The following F8 variants were observed in gnomAD, a reference collection of about 807,000 sequenced individuals.
The protein encoded by F8 is antihemophilic factor.
A neutral mutation model predicts 140.6 loss-of-function variants in F8; 12 were observed. That is an observed-to-expected ratio of 0.09 (90% CI 0.05 to 0.14). The LOEUF (loss-of-function observed/expected upper bound fraction) is 0.14. Ranked by LOEUF, F8 falls within the 10% of genes least tolerant of loss-of-function variation. The pLI is 1.00. For synonymous variants in F8, 585 were observed against 614.6 expected (o/e 0.95, Z 0.71); for missense variants, 1,354 against 1,720.7 (o/e 0.79, Z 3.77).
At chrX:155,009,895 A>C (rs192446377) in intron 1 of F8, among the ~76,000 whole-genome samples, 34 of 111,564 alleles carry the variant, frequency 3.0e-4, no homozygotes, top group African/African-American at 1.1e-3. Context: ...GAAGAGTGAA[A>C]ACACATAATT....
intron 25 of F8, among the ~76,000 whole-genome samples, chrX:154,850,083 T>TGTG (rs2072601926): frequency 5.2e-5 from 5 of 96,073 alleles, no homozygotes; most frequent in African/African-American, 2.0e-4. Context: ...CAGGCTTGTT[T>TGTG]TGTGTGTGTG....
At chrX:154,876,401 A>G (rs1160293056) in intron 22 of F8, among the ~76,000 whole-genome samples, 8 of 111,130 alleles carry the variant, frequency 7.2e-5, no homozygotes, top group East Asian at 2.8e-4. Context: ...TTACAGGCAT[A>G]AGCCACCGTG....
chrX:154,912,490 T>G (rs139392322), intron 14 of F8, among the ~76,000 whole-genome samples: 38 of 112,611 alleles, frequency 3.4e-4, no homozygotes, highest in African/African-American at 1.1e-3. Flanking sequence ...CTTGGCACTT[T>G]GTCAAAAATG....
chrX:154,956,011 C>T (rs1253599769), intron 11 of F8, among the ~76,000 whole-genome samples: 2 of 111,836 alleles, frequency 1.8e-5, no homozygotes, highest in Non-Finnish European at 3.8e-5. Context: ...GATAAACACT[C>T]CCAGAGCGGC....
chrX:154,870,705 G>C (rs1281133829), intron 22 of F8, among the ~76,000 whole-genome samples: 1 of 111,372 alleles, frequency 9.0e-6, no homozygotes, highest in African/African-American at 3.3e-5. Context: ...AGGGCAATCA[G>C]GCAAGAGAAA....
chrX:154,849,885 G>A (rs1006413163), intron 25 of F8, among the ~76,000 whole-genome samples: 71 of 110,603 alleles, frequency 6.4e-4, no homozygotes, highest in African/African-American at 2.2e-3. Context: ...AATTATGAAG[G>A]TTTAATATTA....
chrX:154,874,000 A>G (rs1163755389), intron 22 of F8, among the ~76,000 whole-genome samples: 2 of 112,558 alleles, frequency 1.8e-5, no homozygotes, highest in African/African-American at 6.5e-5. Context: ...GGATTGCATT[A>G]AACTAAAAAC....
rs968099670 is a variant in F8, at chrX:154,987,228, C to G, written c.670+9G>C. Reference sequence around the variant, plus strand: ...CAGGAATCCAAAATTCAGATTAAGACTCACTAACCTTCATCAAATACAGCA... The same window carrying G: ...CAGGAATCCAAAATTCAGATTAAGAGTCACTAACCTTCATCAAATACAGCA... On this transcript the variant is annotated intron_variant, in intron 5 of 25. Coordinates refer to ENST00000360256, the MANE Select transcript of F8 (RefSeq NM_000132.4). 1.7e-6 allele frequency: 2 copies of G among 1,196,599 alleles called. No individual in the cohort carries two copies. Among genetic ancestry groups the G allele is most frequent in the Non-Finnish European group, 2.3e-6 (2 of 883,120 alleles).
intron 1 of F8, among the ~76,000 whole-genome samples, chrX:155,018,032 T>A (rs2073743401): frequency 1.2e-5 from 1 of 82,073 alleles, no homozygotes; most frequent in South Asian, 4.9e-4. Flanking sequence ...GCCCAGCTAA[T>A]TTTTTTTTTT....
At chrX:155,013,160 A>T (rs1439014993) in intron 1 of F8, among the ~76,000 whole-genome samples, 1 of 108,327 alleles carries the variant, frequency 9.2e-6, no homozygotes, top group Non-Finnish European at 1.9e-5. Flanking sequence ...AAAAAAAAAA[A>T]AAAAAAAAGA....
intron 13 of F8, among the ~76,000 whole-genome samples, chrX:154,938,553 A>C (rs1453624244): frequency 8.9e-6 from 1 of 111,879 alleles, no homozygotes; most frequent in African/African-American, 3.2e-5. Flanking sequence ...ATAGGCAAAA[A>C]TTTCTGAAAC....
rs1047663291 is a variant in F8 at position 154,837,354 on chromosome X, T to A, written c.*243A>T. 2 of 403,298 alleles carry A rather than the reference T, an allele frequency of 5.0e-6. No homozygotes were observed. 33.2% of individuals were successfully genotyped at this position (403,298 alleles called of 1,213,427 possible). ...CTCCTCACTTCTTTTTGCCTAGTTA[T>A]ATTGGAAGGAAGGAGTAATCTGGGA... On this transcript the variant is annotated 3_prime_UTR_variant, in exon 26 of 26. Transcript: ENST00000360256.
intron 14 of F8, among the ~76,000 whole-genome samples, chrX:154,916,504 A>G (rs1569559601): frequency 9.0e-6 from 1 of 111,519 alleles, no homozygotes; most frequent in Non-Finnish European, 1.9e-5. Context: ...CAAGTTTTCT[A>G]TTTCCTCATA....
At position 154,929,353 on chromosome X, in the gene F8, G is replaced by T; in HGVS notation, c.4437C>A (p.Gly1479=). The T allele has an allele frequency of 8.3e-7, 1 of 1,211,914 alleles. No individual in the cohort carries two copies. Among genetic ancestry groups the T allele is most frequent in the Non-Finnish European group, 1.1e-6 (1 of 895,500 alleles). The change falls in exon 14 of 26, where the codon GGC becomes GGA. Residue 1479 remains glycine, a synonymous_variant. Coordinates refer to ENST00000360256, the MANE Select transcript of F8 (RefSeq NM_000132.4). ...LEMTGDQREV[G]SLGTSATNSV... ...AATTTGTGGCACTTGTCCCCAGGGA[G>T]CCAACCTCTCTTTGATCACCAGTCA... is the stretch of plus-strand genomic sequence containing the variant.
At chrX:154,910,732 G>A (rs927277234) in intron 14 of F8, among the ~76,000 whole-genome samples, 1 of 111,158 alleles carries the variant, frequency 9.0e-6, no homozygotes, top group South Asian at 3.9e-4. Context: ...AGACCTGACC[G>A]TCCCCCAGCC....
intron 6 of F8, among the ~76,000 whole-genome samples, chrX:154,983,668 G>A (rs182091187): frequency 4.7e-4 from 53 of 112,444 alleles, no homozygotes; most frequent in Non-Finnish European, 6.0e-4. Context: ...TCCCAAGTGG[G>A]TGAGGTCCCA....
Position 154,930,545 on chromosome X carries a change from T to C in F8, c.3245A>G (p.His1082Arg), listed in dbSNP as rs781998214. The C allele has an allele frequency of 2.0e-5, 24 of 1,209,898 alleles. No homozygotes were observed. Among genetic ancestry groups the C allele is most frequent in the Non-Finnish European group, 2.6e-5 (23 of 894,849 alleles). The stretch of plus-strand genomic sequence containing the variant: ...TGATGAAGTAGTTTTATTTGACATA[T>C]GATTTAGCCTCAAAGCTGTAGCATT... ...DKNATALRLN[H>R]MSNKTTSSKN... The change falls in exon 14 of 26, where the codon CAT becomes CGT. Residue 1082 changes from histidine to arginine, a missense_variant. Around this residue, in one of 4 missense-constraint regions of F8, gnomAD observed 658 missense variants for 666.5 expected, o/e 0.99. Transcript: ENST00000360256.
chrX:154,970,222 A>G (rs1557282461), intron 6 of F8, among the ~76,000 whole-genome samples: 3 of 112,093 alleles, frequency 2.7e-5, no homozygotes, highest in Non-Finnish European at 5.6e-5. Flanking sequence ...TTCATTCCTC[A>G]TAACAACCCT....
intron 22 of F8, among the ~76,000 whole-genome samples, chrX:154,881,596 G>A (rs868990607): frequency 5.6e-4 from 62 of 110,186 alleles, no homozygotes; most frequent in Non-Finnish European, 1.0e-3. Flanking sequence ...GAGCGGGGGC[G>A]GGGGAGGGGG....
Sources: gnomAD v4.1 joint callset for allele counts (sites outside exome capture counted in the v4.1 genomes callset) on GRCh38, gnomAD v4.1.1 for gene constraint, gnomAD v4.1.1 regional missense constraint, MANE v1.5 for transcripts, NCBI Gene and HGNC (gene_info 2026-07-23, HGNC 2026-07-21) for gene names.